The following TRMT61B variants were observed in gnomAD, a reference collection of about 807,000 sequenced individuals.
The protein encoded by TRMT61B is tRNA (adenine(58)-N(1))-methyltransferase, mitochondrial.
In TRMT61B, 56 loss-of-function variants were observed where a neutral mutation model predicts 52.0. The observed-to-expected ratio is 1.08, with a 90% confidence interval of 0.87 to 1.35. The LOEUF (loss-of-function observed/expected upper bound fraction) is 1.35, where lower values mean the gene tolerates loss of function less well. TRMT61B is among the 40% of genes most tolerant of loss of function. The pLI, the probability that TRMT61B is intolerant of heterozygous loss-of-function variation, is 0.00. For missense variants in TRMT61B, 650 were observed against 577.9 expected, an observed-to-expected ratio of 1.12 and a Z score of -1.28; for synonymous variants, 206 against 220.0, an observed-to-expected ratio of 0.94 and a Z score of 0.56.
chr2:28,869,531 T>C (rs985986696), intron 1 of TRMT61B, 48 bp downstream of exon 1: 5 of 1,338,562 alleles, frequency 3.7e-6, no homozygotes, highest in Admixed American at 1.8e-5. Flanking sequence ...ACTGCATCTG[T>C]CTTTGCCCCT....
chr2:28,861,104 G>A lies in TRMT61B; in HGVS notation c.993+14C>T, dbSNP rs376451516. 150 of 1,582,770 alleles carry A rather than the reference G, an allele frequency of 9.5e-5. 1 individual carries two copies. Among genetic ancestry groups the A allele is most frequent in the Middle Eastern group, 1.7e-4 (1 of 5,930 alleles). On this transcript the variant is annotated intron_variant, in intron 3 of 6. Transcript: ENST00000306108. ...GTCAAAGTAATAACACAGGACCCACGTTAGAAAACTTACTGCGTCAAATGT... is the reference window on the plus strand; with the variant it reads ...GTCAAAGTAATAACACAGGACCCACATTAGAAAACTTACTGCGTCAAATGT...
In TRMT61B at chr2:28,861,224, T is replaced by C. The variant is rs1298584053; in HGVS notation, c.887A>G (p.Asp296Gly). ...LAKKNYKHWR[D>G]SWKLSHVEEW... Reference sequence around the variant, plus strand: ...TTCTACATGACTTAATTTCCATGAATCACGCCAGTGTTTGTAATTCTTCTT... The same window carrying C: ...TTCTACATGACTTAATTTCCATGAACCACGCCAGTGTTTGTAATTCTTCTT... The change falls in exon 3 of 7, where the codon GAT (aspartate) becomes GGT (glycine). Residue 296 changes from aspartate to glycine, a missense_variant. Asp to Gly is a moderately conservative substitution (Grantham distance 94, BLOSUM62 -1). Transcript: ENST00000306108. The C allele has an allele frequency of 1.2e-6, 2 of 1,613,860 alleles. No individual in the cohort carries two copies. Among genetic ancestry groups the C allele is most frequent in the Non-Finnish European group, 1.7e-6 (2 of 1,179,966 alleles).
intron 2 of TRMT61B, among the ~76,000 whole-genome samples, chr2:28,864,504 C>T (rs963083247): frequency 3.3e-5 from 5 of 152,180 alleles, no homozygotes; most frequent in Non-Finnish European, 5.9e-5. Context: ...CAAAGGAGCA[C>T]ATACTGTATG....
At chr2:28,859,376 C>T (rs1160234877) in intron 3 of TRMT61B, among the ~76,000 whole-genome samples, 1 of 152,164 alleles carries the variant, frequency 6.6e-6, no homozygotes, top group Non-Finnish European at 1.5e-5. Context: ...CCACTGTGCC[C>T]TGCCAGAGAT....
intron 3 of TRMT61B, among the ~76,000 whole-genome samples, chr2:28,856,864 T>C (rs1669366853): frequency 6.6e-6 from 1 of 152,102 alleles, no homozygotes; most frequent in Non-Finnish European, 1.5e-5. Flanking sequence ...CTCGAACTCC[T>C]GACCTCATGA....
chr2:28,870,060 C>G lies in TRMT61B; in HGVS notation c.218G>C (p.Ser73Thr), dbSNP rs1019301580. The stretch of plus-strand genomic sequence containing the variant: ...ACATCCAGTCCCAATGTCCGAGATG[C>G]TCAGAGGGAGAGATGGGCAAGACTC... ...GAESCPSLPL[S>T]ISDIGTGCLS... Residue 73 changes from serine to threonine, a missense_variant, in exon 1 of 7, where the codon AGC becomes ACC. Ser to Thr is a moderately conservative substitution (Grantham distance 58, BLOSUM62 1). Transcript: ENST00000306108. The G allele has an allele frequency of 2.5e-6, 4 of 1,613,610 alleles. No homozygotes were observed. The African/African-American group carries it at 5.3e-5, about 22-fold the overall frequency.
At chr2:28,850,301 T>G in intron 6 of TRMT61B, 27 bp downstream of exon 6, 1 of 1,603,070 alleles carries the variant, frequency 6.2e-7, no homozygotes, top group South Asian at 1.1e-5. Context: ...AAAACACCAT[T>G]TAATATGTTC....
chr2:28,862,204 CAAAAAA>C (rs66527180), intron 2 of TRMT61B, among the ~76,000 whole-genome samples: 1 of 65,456 alleles, frequency 1.5e-5, no homozygotes, highest in Non-Finnish European at 2.7e-5. Flanking sequence ...GACTCCGTCT[CAAAAAA>C]AAAAAAAAAA....
At chr2:28,860,713 T>TA (rs1369971431) in intron 3 of TRMT61B, among the ~76,000 whole-genome samples, 1 of 152,196 alleles carries the variant, frequency 6.6e-6, no homozygotes, top group East Asian at 1.9e-4. Context: ...TTCAACTAAC[T>TA]AAAGATGCCT....
At chr2:28,864,656 C>T (rs1235368011) in intron 2 of TRMT61B, among the ~76,000 whole-genome samples, 1 of 152,112 alleles carries the variant, frequency 6.6e-6, no homozygotes, top group African/African-American at 2.4e-5. Context: ...CTACCTTGAT[C>T]TCGGTAATAA....
chr2:28,869,957 TC>T lies in TRMT61B; in HGVS notation c.320del (p.Gly107GlufsTer50). 6.2e-7 allele frequency: 1 copy of T among 1,613,814 alleles called. No homozygotes were observed. Among genetic ancestry groups the T allele is most frequent in the Non-Finnish European group, 8.5e-7 (1 of 1,179,984 alleles). On this transcript the variant is annotated frameshift_variant, in exon 1 of 7. Coordinates refer to ENST00000306108, the MANE Select transcript of TRMT61B (RefSeq NM_017910.4). LOFTEE classifies it high-confidence loss of function. The stretch of plus-strand genomic sequence containing the variant: ...GTGTGGGACCGCACCGGCCCTGGTC[TC>T]CGCTCGAGTCCTCGAGCTCTCGAGG... Reference protein sequence around the residue: ...SSPRELEDSSGDQGRCGPTHQ... With the variant: ...SSPRELEDSSXDQGRCGPTHQ...
intron 2 of TRMT61B, among the ~76,000 whole-genome samples, chr2:28,864,237 A>G (rs987817938): frequency 6.6e-5 from 10 of 152,100 alleles, no homozygotes; most frequent in African/African-American, 2.2e-4. Context: ...TCTCCCCCCA[A>G]CAGCTGACAA....
chr2:28,863,933 C>G (rs1448886718), intron 2 of TRMT61B, among the ~76,000 whole-genome samples: 1 of 151,966 alleles, frequency 6.6e-6, no homozygotes, highest in East Asian at 1.9e-4. Flanking sequence ...CCAAAGCAAC[C>G]CTGACACTCA....
chr2:28,853,846 A>AC (rs397733563), intron 3 of TRMT61B, among the ~76,000 whole-genome samples: 3 of 151,664 alleles, frequency 2.0e-5, no homozygotes, highest in African/African-American at 7.3e-5. Context: ...AAAAAAAAAA[A>AC]TCATATCCCT....
intron 1 of TRMT61B, among the ~76,000 whole-genome samples, chr2:28,865,714 CTT>C (rs1669812164): frequency 1.7e-5 from 2 of 116,978 alleles, no homozygotes; most frequent in South Asian, 5.6e-4. Context: ...AAGTCTCACT[CTT>C]GTCCCCCAGG....
intron 3 of TRMT61B, among the ~76,000 whole-genome samples, chr2:28,860,417 GTGTGAAGCTATGAAC>G (rs1451163762): frequency 6.6e-6 from 1 of 150,758 alleles, no homozygotes; most frequent in Admixed American, 6.6e-5. Flanking sequence ...TCAGTCCATA[GTGTGAAGCTATGAAC>G]TGTGAAGTGG....
chr2:28,869,882 G>C lies in TRMT61B; in HGVS notation c.396C>G (p.Thr132=). The change falls in exon 1 of 7, where the codon ACC becomes ACG. Residue 132 remains threonine (T), a synonymous_variant. Coordinates refer to ENST00000306108, the MANE Select transcript of TRMT61B (RefSeq NM_017910.4). ...GGGAGACGTGACGCTCTTCGACCTC[G>C]GTAGCGGACTGGGCCTGCGAGAGCA... ...PSMLSQAQSA[T]EVEERHVSPS... is the part of the protein sequence containing the mutation. 1.1e-5 allele frequency: 18 copies of C among 1,614,148 alleles called. No individual in the cohort carries two copies. The highest frequency in any genetic ancestry group is 1.5e-5 in the Non-Finnish European group (18 of 1,180,018).
At position 28,870,135 on chromosome 2, in the gene TRMT61B, C is replaced by T; in HGVS notation, c.143G>A (p.Arg48Gln). ...LCCRSSPRDL[R>Q]DGEREHEAAQ... ...CGCCTCGTGCTCTCTTTCTCCATCT[C>T]GCAGGTCTCTAGGCGAGGACCTGCA... The change falls in exon 1 of 7, where the codon CGA becomes CAA. Residue 48 changes from arginine to glutamine, a missense_variant. By Grantham distance (43) the Arg-to-Gln change is conservative. Transcript: ENST00000306108. The T allele has an allele frequency of 6.2e-7, 1 of 1,614,084 alleles. No homozygotes were observed.
intron 3 of TRMT61B, among the ~76,000 whole-genome samples, chr2:28,858,582 C>G (rs1669448485): frequency 6.6e-6 from 1 of 151,084 alleles, no homozygotes. Flanking sequence ...ATCGCTTGAG[C>G]CCTGGAGTTC....
Sources: allele counts gnomAD v4.1 joint callset (sites outside exome capture counted in the v4.1 genomes callset), GRCh38; gene constraint gnomAD v4.1.1; transcripts MANE v1.5; gene names NCBI Gene and HGNC (gene_info 2026-07-23, HGNC 2026-07-21).